COL25A1: variants seen among roughly 807,000 people sequenced by gnomAD.
COL25A1 encodes collagen alpha-1(XXV) chain.
In COL25A1, 103 loss-of-function variants were observed where a neutral mutation model predicts 128.4. The observed-to-expected ratio is 0.80, with a 90% CI of 0.68 to 0.94. The LOEUF (loss-of-function observed/expected upper bound fraction) is 0.94. Among genes scored for constraint, COL25A1 ranks in the 40% least tolerant of loss-of-function variants. COL25A1 has a pLI of 0.00. For synonymous variants in COL25A1, 279 were observed against 277.2 expected (o/e 1.01, Z -0.06); for missense variants, 745 against 840.0 (o/e 0.89, Z 1.40).
intron 5 of COL25A1, among the ~76,000 whole-genome samples, chr4:109,040,728 A>G (rs1724442): frequency 0.079 from 12,094 of 152,196 alleles, 660 homozygotes; most frequent in African/African-American, 0.16. Flanking sequence ...ATTTGTTCGG[A>G]GACTGGACAT....
chr4:108,852,084 G>T, intron 26 of COL25A1, 152 bp downstream of exon 26: 2 of 538,078 alleles, frequency 3.7e-6, no homozygotes, highest in Non-Finnish European at 6.5e-6. Flanking sequence ...CTTCAGTCCA[G>T]ACCTCAATTT....
intron 3 of COL25A1, among the ~76,000 whole-genome samples, chr4:109,190,636 A>G (rs1775530904): frequency 6.6e-6 from 1 of 152,184 alleles, no homozygotes; most frequent in Non-Finnish European, 1.5e-5. Context: ...CATTTTATGT[A>G]ATGAAGTTTT....
intron 3 of COL25A1, among the ~76,000 whole-genome samples, chr4:109,198,923 G>C (rs1042092860): frequency 6.6e-6 from 1 of 152,102 alleles, no homozygotes; most frequent in African/African-American, 2.4e-5. Flanking sequence ...TCCCTGTACA[G>C]CATTTACAAA....
chr4:109,132,319 T>C (rs760709073), intron 3 of COL25A1, among the ~76,000 whole-genome samples: 34 of 152,166 alleles, frequency 2.2e-4, no homozygotes, highest in Non-Finnish European at 4.6e-4. Context: ...CACTCCCAGA[T>C]TCTTAAGAAA....
At chr4:109,151,234 C>T (rs1439301398) in intron 3 of COL25A1, among the ~76,000 whole-genome samples, 1 of 152,066 alleles carries the variant, frequency 6.6e-6, no homozygotes, top group East Asian at 1.9e-4. Flanking sequence ...CTAAAAGAGA[C>T]TGTTTCTATC....
chr4:108,988,875 C>T (rs545687887), intron 6 of COL25A1, among the ~76,000 whole-genome samples: 37 of 152,226 alleles, frequency 2.4e-4, no homozygotes, highest in Non-Finnish European at 4.7e-4. Context: ...TGGACCTTTC[C>T]GTCTTCTGCA....
intron 8 of COL25A1, among the ~76,000 whole-genome samples, chr4:108,965,726 G>C (rs896295463): frequency 6.6e-6 from 1 of 152,196 alleles, no homozygotes; most frequent in Non-Finnish European, 1.5e-5. Flanking sequence ...AGCGGTAGCA[G>C]TAGTGGGTGT....
chr4:109,104,401 A>ACTCTCT (rs112054758), intron 3 of COL25A1, among the ~76,000 whole-genome samples: 14,782 of 149,572 alleles, frequency 0.099, 938 homozygotes, highest in Admixed American at 0.23. Flanking sequence ...AAAGGAAATC[A>ACTCTCT]CTCTCTCTCT....
chr4:108,822,409 T>C (rs1251430689), intron 35 of COL25A1, among the ~76,000 whole-genome samples: 3 of 152,048 alleles, frequency 2.0e-5, no homozygotes, highest in East Asian at 3.9e-4. Flanking sequence ...ATAAAATGCA[T>C]ATATATATGT....
intron 32 of COL25A1, among the ~76,000 whole-genome samples, chr4:108,828,064 A>C (rs1414110270): frequency 6.6e-6 from 1 of 152,176 alleles, no homozygotes; most frequent in Non-Finnish European, 1.5e-5. Context: ...ACATCAGTAA[A>C]TGTTTGTTGA....
At chr4:108,825,137 T>C in intron 34 of COL25A1, 59 bp downstream of exon 34, 2 of 1,342,554 alleles carry the variant, frequency 1.5e-6, no homozygotes, top group Admixed American at 1.7e-5. Flanking sequence ...TTGTTATCGA[T>C]GATGGAGACC....
chr4:109,023,823 A>G (rs1188956097), intron 5 of COL25A1, among the ~76,000 whole-genome samples: 1 of 152,230 alleles, frequency 6.6e-6, no homozygotes, highest in Non-Finnish European at 1.5e-5. Flanking sequence ...GCTGTCTTCC[A>G]GAAGAACACT....
rs1031469658 is a variant in COL25A1, at chr4:109,274,941, A to G, written c.367+25642T>C. Among the ~76,000 whole-genome samples, 16 of 152,344 alleles carry G rather than the reference A, an allele frequency of 1.1e-4. No individual in the cohort carries two copies. The East Asian group carries it at 3.1e-3, about 29-fold the overall frequency. ...CATTGATCATATATTACTGCAAATA[A>G]TTGAGACCCAGAGTTTTTGGTTATT... On this transcript the variant is annotated intron_variant, in intron 3 of 37. Coordinates refer to ENST00000399132, the MANE Select transcript of COL25A1 (RefSeq NM_198721.4).
At chr4:109,216,250 TAGGAAGGAAGGAAGGAAAAAAAGGA>T (rs1777976458) in intron 3 of COL25A1, among the ~76,000 whole-genome samples, 1 of 144,306 alleles carries the variant, frequency 6.9e-6, no homozygotes, top group Non-Finnish European at 1.5e-5. Context: ...AATGGATGGA[TAGGAAGGAAGGAAGGAAAAAAAGGA>T]AGGAAGGAAG....
At chr4:109,118,540 G>A (rs1047825006) in intron 3 of COL25A1, among the ~76,000 whole-genome samples, 1 of 151,856 alleles carries the variant, frequency 6.6e-6, no homozygotes, top group Non-Finnish European at 1.5e-5. Context: ...TGAGAAAGAT[G>A]TACCACGGGA....
chr4:108,869,092 G>T lies in COL25A1; in HGVS notation c.1079C>A (p.Thr360Lys). The change falls in exon 20 of 38, where the codon ACA (threonine) becomes AAA (lysine). Residue 360 changes from threonine to lysine, a missense_variant. Around this residue, in one of 3 missense-constraint regions of COL25A1, gnomAD observed 387 missense variants for 441.9 expected, o/e 0.88. Transcript: ENST00000399132. ...GAAAGAAAGAGGCCCACTTACTTTT[G>T]TTCCTGGTAAACCTGGTAAGCCTGG... ...GEPGLPGLPG[T>K]KGERGEAGPP... The T allele has an allele frequency of 6.4e-7, 1 of 1,567,962 alleles. No individual in the cohort carries two copies. The highest frequency in any genetic ancestry group is 8.6e-7 in the Non-Finnish European group (1 of 1,160,062).
intron 5 of COL25A1, among the ~76,000 whole-genome samples, chr4:109,020,075 T>C (rs1172130269): frequency 7.5e-6 from 1 of 133,760 alleles, no homozygotes; most frequent in East Asian, 2.3e-4. Context: ...AAACTAATTA[T>C]ATGCAAATGA....
At chr4:108,848,863 T>TA in intron 26 of COL25A1, 60 bp from the exon 27 acceptor site, 2 of 1,290,966 alleles carry the variant, frequency 1.5e-6, no homozygotes, top group Non-Finnish European at 2.2e-6. Context: ...CTGCACTACA[T>TA]AAAAAAACGA....
intron 3 of COL25A1, among the ~76,000 whole-genome samples, chr4:109,246,035 A>G (rs1578537328): frequency 6.6e-6 from 1 of 151,044 alleles, no homozygotes; most frequent in Non-Finnish European, 1.5e-5. Flanking sequence ...AAAAAAAAAA[A>G]ATTTAAAAAA....
Sources: allele counts gnomAD v4.1 joint callset (sites outside exome capture counted in the v4.1 genomes callset), GRCh38; gene constraint gnomAD v4.1.1; regional missense constraint gnomAD v4.1.1; transcripts MANE v1.5; gene names NCBI Gene and HGNC (gene_info 2026-07-23, HGNC 2026-07-21).